Variants in AHCTF1 observed in about 807,000 individuals in gnomAD.
The protein encoded by AHCTF1 is protein ELYS.
AHCTF1 carries 24 observed loss-of-function variants against 248.4 expected under a neutral mutation model. That is an observed-to-expected ratio of 0.10 (90% CI 0.07 to 0.14). AHCTF1 has a LOEUF of 0.14. Ranked by LOEUF, AHCTF1 falls within the 10% of genes least tolerant of loss-of-function variation. The probability of loss-of-function intolerance (pLI) is 1.00; values close to 1 mark genes in which losing one functional copy is unlikely to be tolerated. For synonymous variants in AHCTF1, 786 were observed against 929.8 expected (o/e 0.85, Z 2.81); for missense variants, 2,206 against 2,636.2 (o/e 0.84, Z 3.57).
rs1257370349 is a variant in AHCTF1 at position 246,839,444 on chromosome 1, A to T, written c.*1362T>A. 17 of 653,394 alleles carry T rather than the reference A, an allele frequency of 2.6e-5. No individual in the cohort carries two copies. Among genetic ancestry groups the T allele is most frequent in the Non-Finnish European group, 3.2e-5 (17 of 527,102 alleles). 40.5% of individuals were successfully genotyped at this position (653,394 alleles called of 1,614,324 possible). A position where few individuals can be genotyped will look rare whatever the true frequency, so the allele number is the denominator to read the frequency against. The stretch of plus-strand genomic sequence containing the variant: ...ATTCCATAAATGACAAGCAGCTTAA[A>T]TACAAGTTTGATAACTATCATTAAA... On this transcript the variant is annotated 3_prime_UTR_variant, in exon 36 of 36. Transcript: ENST00000648844.
At chr1:246,873,005 TCTC>T (rs1420338374) in intron 24 of AHCTF1, among the ~76,000 whole-genome samples, 2 of 152,008 alleles carry the variant, frequency 1.3e-5, no homozygotes, top group Admixed American at 6.6e-5. Flanking sequence ...CACTCACTCT[TCTC>T]CTAAGTTTCA....
At chr1:246,927,500 A>G (rs949765332) in intron 1 of AHCTF1, among the ~76,000 whole-genome samples, 8 of 152,230 alleles carry the variant, frequency 5.3e-5, no homozygotes, top group Non-Finnish European at 7.3e-5. Context: ...AAGAAAAACT[A>G]TATTATTAGA....
At chr1:246,908,099 T>C (rs1665524776) in intron 4 of AHCTF1, among the ~76,000 whole-genome samples, 1 of 152,120 alleles carries the variant, frequency 6.6e-6, no homozygotes, top group Admixed American at 6.5e-5. Flanking sequence ...CCTAAATACC[T>C]TCCTTGGAGC....
intron 21 of AHCTF1, among the ~76,000 whole-genome samples, chr1:246,880,626 C>A (rs1271134094): frequency 4.7e-5 from 7 of 149,182 alleles, no homozygotes; most frequent in Non-Finnish European, 8.9e-5. Context: ...GTTGATCAGA[C>A]AAACTAGCAG....
chr1:246,869,046 A>T (rs111986753), intron 24 of AHCTF1, among the ~76,000 whole-genome samples: 35 of 151,078 alleles, frequency 2.3e-4, no homozygotes, highest in South Asian at 6.3e-4. Flanking sequence ...GGGTTTCACC[A>T]TGTTGGCCAG....
At position 246,869,660 on chromosome 1, in the gene AHCTF1, G is replaced by A. The variant is rs114716257; in HGVS notation, c.3089-1849C>T. Among the ~76,000 whole-genome samples, 502 of 151,962 alleles carry A rather than the reference G, an allele frequency of 3.3e-3. 5 individuals are homozygous for A. Among genetic ancestry groups the A allele is most frequent in the African/African-American group, 0.012 (485 of 41,406 alleles). The stretch of plus-strand genomic sequence containing the variant: ...AAAAAGCCTAGATGAAAACACATCT[G>A]TTGACAGCATGGTTTACCGAATATT... On this transcript the variant is annotated intron_variant, in intron 24 of 35. Transcript: ENST00000648844.
At chr1:246,877,881 T>C (rs1422295921) in intron 21 of AHCTF1, among the ~76,000 whole-genome samples, 1 of 152,170 alleles carries the variant, frequency 6.6e-6, no homozygotes, top group Non-Finnish European at 1.5e-5. Context: ...CACAGAAGTC[T>C]TCCAGAATCA....
At chr1:246,860,774 G>A (rs553636677) in intron 29 of AHCTF1, 125 bp downstream of exon 29, 1 of 1,303,638 alleles carries the variant, frequency 7.7e-7, no homozygotes, top group South Asian at 1.5e-5. Context: ...CCAAAGTGCT[G>A]AGATTAACTA....
At chr1:246,866,432 G>C (rs1351455803) in intron 26 of AHCTF1, among the ~76,000 whole-genome samples, 1 of 151,964 alleles carries the variant, frequency 6.6e-6, no homozygotes, top group Non-Finnish European at 1.5e-5. Context: ...GTAAATAAAG[G>C]GAAACAACCT....
At position 246,881,243 on chromosome 1, in the gene AHCTF1, G is replaced by A. The variant is rs557120961; in HGVS notation, c.2661-3941C>T. ...AGGTTACCATATAATAATTTTAAAA[G>A]TCATTTTAAAAAAGAACAAATTAAA... On this transcript the variant is annotated intron_variant, in intron 21 of 35. Coordinates refer to ENST00000648844, the MANE Select transcript of AHCTF1 (RefSeq NM_001323342.2). Among the ~76,000 whole-genome samples the A allele has an allele frequency of 2.4e-4, 37 of 152,162 alleles. 1 individual carries two copies. In the South Asian group the frequency reaches 7.7e-3, roughly 32 times the overall value.
chr1:246,920,142 C>CAAAAAAAAAAAAA (rs68194249), intron 1 of AHCTF1, among the ~76,000 whole-genome samples: 2 of 40,782 alleles, frequency 4.9e-5, no homozygotes, highest in Non-Finnish European at 8.9e-5. Context: ...CTGTCCCCCG[C>CAAAAAAAAAAAAA]AAAAAAAAAA....
intron 8 of AHCTF1, among the ~76,000 whole-genome samples, chr1:246,901,721 G>T (rs1247836416): frequency 6.6e-6 from 1 of 152,216 alleles, no homozygotes; most frequent in African/African-American, 2.4e-5. Flanking sequence ...GGGAGACCGA[G>T]ATGGGAGAAT....
intron 25 of AHCTF1, 129 bp from the exon 26 acceptor site, chr1:246,867,480 G>A (rs1662067312): frequency 2.0e-6 from 2 of 1,019,618 alleles, no homozygotes; most frequent in Non-Finnish European, 2.8e-6. Context: ...AAATAATAAT[G>A]AACATTTCAC....
chr1:246,884,404 A>C (rs2103123110), intron 21 of AHCTF1, among the ~76,000 whole-genome samples: 1 of 152,370 alleles, frequency 6.6e-6, no homozygotes, highest in East Asian at 1.9e-4. Flanking sequence ...AAGAGAACCA[A>C]GAAAATGTAA....
chr1:246,848,813 G>A (rs1207788216), intron 33 of AHCTF1, among the ~76,000 whole-genome samples: 4 of 151,618 alleles, frequency 2.6e-5, no homozygotes, highest in Admixed American at 2.0e-4. Context: ...TCATGCCATT[G>A]TGCTCCAGCC....
chr1:246,872,051 C>CAAAAAAAAA (rs753977798), intron 24 of AHCTF1, among the ~76,000 whole-genome samples: 2 of 83,726 alleles, frequency 2.4e-5, no homozygotes, highest in African/African-American at 7.4e-5. Context: ...CTATTAATGA[C>CAAAAAAAAA]AAAAAAAAAA....
chr1:246,865,520 T>A (rs1162862677), intron 26 of AHCTF1, among the ~76,000 whole-genome samples: 2 of 152,220 alleles, frequency 1.3e-5, no homozygotes, highest in Admixed American at 1.3e-4. Context: ...TCTTTCTCTA[T>A]CTTGTTTGCA....
At chr1:246,873,031 C>T (rs1254165992) in intron 24 of AHCTF1, among the ~76,000 whole-genome samples, 1 of 152,104 alleles carries the variant, frequency 6.6e-6, no homozygotes, top group Non-Finnish European at 1.5e-5. Context: ...GGCTCAGACC[C>T]TAAAAGCCAT....
rs754804757 is a variant in AHCTF1 at position 246,867,802 on chromosome 1, G to A, written c.3098C>T (p.Pro1033Leu). 8 of 1,606,838 alleles carry A rather than the reference G, an allele frequency of 5.0e-6. No homozygotes were observed. The highest frequency in any genetic ancestry group is 1.4e-5 in the African/African-American group (1 of 73,966). ...CTTTGGAACTGCTGATAATGGTTTGGGTCTAGAAACTGTAAAATGAAGAAC... is the reference window on the plus strand; with the variant it reads ...CTTTGGAACTGCTGATAATGGTTTGAGTCTAGAAACTGTAAAATGAAGAAC... ...TSSVFRLVSR[P>L]KPLSAVPKQV... The change falls in exon 25 of 36, where the codon CCC becomes CTC. Residue 1033 changes from proline to leucine, a missense_variant. This residue lies in a region of AHCTF1 where 955 missense variants were observed against 1,055.6 expected (regional missense o/e 0.90). Coordinates refer to ENST00000648844, the MANE Select transcript of AHCTF1 (RefSeq NM_001323342.2).
Sources: gnomAD v4.1 joint callset for allele counts (sites outside exome capture counted in the v4.1 genomes callset) on GRCh38, gnomAD v4.1.1 for gene constraint, gnomAD v4.1.1 regional missense constraint, MANE v1.5 for transcripts, NCBI Gene and HGNC (gene_info 2026-07-23, HGNC 2026-07-21) for gene names.